The following INO80E variants were observed in gnomAD, a reference collection of about 807,000 sequenced individuals.
The protein encoded by INO80E is INO80 complex subunit E, also known as coiled-coil domain containing 95.
A neutral mutation model predicts 27.3 loss-of-function variants in INO80E; 20 were observed. That is an observed-to-expected ratio of 0.73 (90% CI 0.51 to 1.06). INO80E has a LOEUF of 1.06. INO80E is among the 50% of genes least tolerant of loss of function. INO80E has a pLI of 0.00. For missense variants in INO80E, 357 were observed against 322.8 expected, an observed-to-expected ratio of 1.11 and a Z score of -0.81; for synonymous variants, 167 against 145.9, an observed-to-expected ratio of 1.14 and a Z score of -1.04.
chr16:30,001,284 TCGGGAGCCC>T lies in INO80E; in HGVS notation c.397-121_397-113del, dbSNP rs946181416. Reference sequence around the variant, plus strand: ...CTGCTGCTGCCCGGCCCTTCTGTGCTCGGGAGCCCCGGGAGCCGCACTCATCACCATCTC... The same window carrying T: ...CTGCTGCTGCCCGGCCCTTCTGTGCTCGGGAGCCGCACTCATCACCATCTC... On this transcript the variant is annotated intron_variant, in intron 5 of 6. Transcript: ENST00000563197. The T allele has an allele frequency of 3.7e-5, 55 of 1,492,398 alleles. 1 individual carries two copies. Among genetic ancestry groups the T allele is most frequent in the Non-Finnish European group, 4.3e-5 (48 of 1,116,344 alleles). 92.4% of individuals were successfully genotyped at this position (1,492,398 alleles called of 1,614,324 possible).
At chr16:30,001,251 A>G in intron 5 of INO80E, 163 bp from the exon 6 acceptor site, 1 of 1,493,812 alleles carries the variant, frequency 6.7e-7, no homozygotes, top group Non-Finnish European at 8.9e-7. Context: ...AAAGCCCAGG[A>G]CAGCATCCTG....
chr16:30,001,267 GCCCGGCCCTTCTGTGCT>G (rs1229169986), intron 5 of INO80E, 130 bp from the exon 6 acceptor site: 1 of 1,489,580 alleles, frequency 6.7e-7, no homozygotes, highest in East Asian at 2.5e-5. Context: ...TCCTGCTGCT[GCCCGGCCCTTCTGTGCT>G]CGGGAGCCCC....
Position 30,000,745 on chromosome 16 carries a change from G to A in INO80E, c.206-13G>A, listed in dbSNP as rs1182975391. ...ATCCCCCCATCCCCACTGACCAGCT[G>A]TCCCCATCACAGACTCAGATGCCAC... On this transcript the variant is annotated splice_polypyrimidine_tract_variant and intron_variant, in intron 3 of 6. Transcript: ENST00000563197. 3 of 1,612,574 alleles carry A rather than the reference G, an allele frequency of 1.9e-6. No homozygotes were observed. The highest frequency in any genetic ancestry group is 2.5e-6 in the Non-Finnish European group (3 of 1,178,750).
chr16:29,997,448 C>T (rs1035233051), intron 3 of INO80E, among the ~76,000 whole-genome samples: 2 of 151,072 alleles, frequency 1.3e-5, no homozygotes, highest in Non-Finnish European at 2.9e-5. Flanking sequence ...TTTTTCCAAC[C>T]GTTTAAAAGC....
At chr16:29,997,695 A>G (rs1232645774) in intron 3 of INO80E, among the ~76,000 whole-genome samples, 1 of 150,714 alleles carries the variant, frequency 6.6e-6, no homozygotes, top group Non-Finnish European at 1.5e-5. Flanking sequence ...CAGAGGTTGC[A>G]GTGAGCCGAG....
intron 3 of INO80E, among the ~76,000 whole-genome samples, chr16:29,998,254 G>A (rs1006211797): frequency 5.0e-4 from 75 of 149,618 alleles, no homozygotes; most frequent in Non-Finnish European, 9.3e-4. Context: ...TTGCACTACT[G>A]CAGTCCAGCC....
intron 6 of INO80E, 122 bp from the exon 7 acceptor site, chr16:30,005,099 G>T: frequency 9.1e-7 from 1 of 1,101,206 alleles, no homozygotes; most frequent in Non-Finnish European, 1.2e-6. Context: ...AGCATGGGTT[G>T]GCCCAGCTGT....
chr16:29,997,915 A>G (rs1233581276), intron 3 of INO80E, among the ~76,000 whole-genome samples: 1 of 151,942 alleles, frequency 6.6e-6, no homozygotes, highest in African/African-American at 2.4e-5. Context: ...GTGAGACCCC[A>G]TCTCAATTAA....
chr16:30,001,642 C>A, intron 6 of INO80E, 112 bp downstream of exon 6: 1 of 996,616 alleles, frequency 1.0e-6, no homozygotes, highest in Admixed American at 2.4e-5. Context: ...ATTTGGGGAC[C>A]CAGTCAGCAC....
At chr16:30,000,674 CCTT>C in intron 3 of INO80E, 81 bp from the exon 4 acceptor site, 1 of 1,115,400 alleles carries the variant, frequency 9.0e-7, no homozygotes, top group Non-Finnish European at 1.3e-6. Context: ...CTTCCAGTGC[CCTT>C]CTGTAGTGTA....
chr16:29,996,835 C>T lies in INO80E; in HGVS notation c.180C>T (p.Tyr60=), dbSNP rs753300078. The change falls in exon 3 of 7, where the codon TAC becomes TAT. Residue 60 remains tyrosine, a synonymous_variant. Coordinates refer to ENST00000563197, the MANE Select transcript of INO80E (RefSeq NM_173618.3). ...KSFLLDRLLQ[Y]ENVDEDSSDS... is the part of the protein sequence containing the mutation. ...TCCTCCTAGACCGACTTCTGCAGTA[C>T]GAGAACGTGGATGAAGACTCTTCGG... 15 of 1,614,022 alleles carry T rather than the reference C, an allele frequency of 9.3e-6. No homozygotes were observed. The highest frequency in any genetic ancestry group is 1.3e-5 in the African/African-American group (1 of 74,928).
At chr16:29,999,430 C>T (rs970111711) in intron 3 of INO80E, 1 of 152,252 alleles carries the variant, frequency 6.6e-6, no homozygotes, top group African/African-American at 2.4e-5. Context: ...GGGAGACACT[C>T]GCAAACGACG....
chr16:29,996,544 C>G lies in INO80E; in HGVS notation c.82-3C>G, dbSNP rs755662691. The G allele has an allele frequency of 3.8e-6, 6 of 1,563,328 alleles. No homozygotes were observed. Among genetic ancestry groups the G allele is most frequent in the Non-Finnish European group, 5.2e-6 (6 of 1,153,786 alleles). On this transcript the variant is annotated splice_region_variant and splice_polypyrimidine_tract_variant and intron_variant, in intron 1 of 6. Coordinates refer to ENST00000563197, the MANE Select transcript of INO80E (RefSeq NM_173618.3). ...CCCAGCGCACCCCTTGCCCGTGATA[C>G]AGGAGCACGAGTGCTTCCAGGAGGA...
chr16:29,996,559 T>C lies in INO80E; in HGVS notation c.94T>C (p.Phe32Leu). The C allele has an allele frequency of 5.7e-6, 9 of 1,567,392 alleles. No homozygotes were observed. Among genetic ancestry groups the C allele is most frequent in the Non-Finnish European group, 7.8e-6 (9 of 1,156,114 alleles). ...GCCCGTGATACAGGAGCACGAGTGCTTCCAGGAGGAGCTGAGGAAAGCGCA... is the reference window on the plus strand; with the variant it reads ...GCCCGTGATACAGGAGCACGAGTGCCTCCAGGAGGAGCTGAGGAAAGCGCA... ...LKFLIYEHEC[F>L]QEELRKAQRK... The change falls in exon 2 of 7, where the codon TTC becomes CTC. Residue 32 changes from phenylalanine (F) to leucine (L), a missense_variant. Physicochemically the swap from Phe to Leu is conservative, Grantham distance 22. Transcript: ENST00000563197.
chr16:30,001,764 C>A, intron 6 of INO80E: 1 of 506,852 alleles, frequency 2.0e-6, no homozygotes, highest in Admixed American at 3.6e-5. Flanking sequence ...GGATCCCGCC[C>A]TTTCATGGCT....
intron 5 of INO80E, 25 bp downstream of exon 5, chr16:30,001,065 G>C: frequency 6.6e-7 from 1 of 1,525,150 alleles, no homozygotes; most frequent in Non-Finnish European, 8.8e-7. Context: ...GGGATGGGAA[G>C]TGCTTGGGAG....
In INO80E at chr16:29,996,310, C is replaced by A. The variant is rs1162780569; in HGVS notation, c.-1C>A. ...CTCTGGGCGCCACTCCCGGGCCGGT[C>A]ATGAACGGGCCGGCGGACGGCGAAG... is the stretch of plus-strand genomic sequence containing the variant. On this transcript the variant is annotated 5_prime_UTR_variant, in exon 1 of 7. Transcript: ENST00000563197. 6 of 1,592,948 alleles carry A rather than the reference C, an allele frequency of 3.8e-6. No individual in the cohort carries two copies. The highest frequency in any genetic ancestry group is 1.1e-5 in the South Asian group (1 of 88,276).
intron 5 of INO80E, 123 bp downstream of exon 5, chr16:30,001,163 T>G: frequency 1.4e-6 from 2 of 1,472,068 alleles, no homozygotes; most frequent in Non-Finnish European, 1.8e-6. Context: ...GTGGCCCAAG[T>G]GTCCCGTGGA....
In INO80E at chr16:30,005,760, T is replaced by C. The variant is rs1391098692; in HGVS notation, c.*318T>C. The C allele has an allele frequency of 2.1e-6, 1 of 474,298 alleles. No homozygotes were observed. The highest frequency in any genetic ancestry group is 2.0e-5 in the African/African-American group (1 of 49,410). The allele number at this position is 474,298 out of a possible 1,614,324, so 29.4% of individuals were successfully genotyped here. ...GCTGTACAGGGCTAGGTTTTTTCAA[T>C]GAAGTTTCTGTATTAAAGGAGTGGC... On this transcript the variant is annotated 3_prime_UTR_variant, in exon 7 of 7. Transcript: ENST00000563197.
Sources: allele counts gnomAD v4.1 joint callset (sites outside exome capture counted in the v4.1 genomes callset), GRCh38; gene constraint gnomAD v4.1.1; transcripts MANE v1.5; gene names NCBI Gene and HGNC (gene_info 2026-07-23, HGNC 2026-07-21).